DLGAP1: variants seen among roughly 807,000 people sequenced by gnomAD.
DLGAP1 encodes DLG associated protein 1, also known as disks large-associated protein 1.
In DLGAP1, 11 loss-of-function variants were observed where a neutral mutation model predicts 90.8. That is an observed-to-expected ratio of 0.12 (90% CI 0.08 to 0.20). The LOEUF (loss-of-function observed/expected upper bound fraction) is 0.20, where lower values mean the gene tolerates loss of function less well. Ranked by LOEUF, DLGAP1 falls within the 10% of genes least tolerant of loss-of-function variation. DLGAP1 has a pLI of 1.00. For synonymous variants in DLGAP1, 558 were observed against 540.7 expected (o/e 1.03, Z -0.44); for missense variants, 1,050 against 1,333.8 (o/e 0.79, Z 3.31).
intron 4 of DLGAP1, chr18:3,845,220 C>T: frequency 4.3e-6 from 7 of 1,612,076 alleles, no homozygotes; most frequent in Non-Finnish European, 5.9e-6. Context: ...CCCAGAATTG[C>T]TATTAGCTTA....
intron 4 of DLGAP1, among the ~76,000 whole-genome samples, chr18:3,822,326 C>T (rs772342597): frequency 3.3e-5 from 5 of 152,310 alleles, no homozygotes; most frequent in Middle Eastern, 3.4e-3. Flanking sequence ...GTGATACATA[C>T]GGTAATTTGC....
rs370954801 is a variant in DLGAP1 at position 4,044,247 on chromosome 18, C to T, written c.-158-39046G>A. 5.5e-4 allele frequency among the ~76,000 whole-genome samples: 84 copies of T among 152,256 alleles called. No individual in the cohort carries two copies. In the East Asian group the frequency reaches 0.015, roughly 28 times the overall value. ...ATGTCTGGGTTTTGGGATATTTATA[C>T]TCCTGGCCACCTCACACCAAGTCAT... On this transcript the variant is annotated intron_variant, in intron 2 of 12. Coordinates refer to ENST00000315677, the MANE Select transcript of DLGAP1 (RefSeq NM_004746.4).
chr18:3,758,513 T>C (rs2063811893), intron 5 of DLGAP1, among the ~76,000 whole-genome samples: 1 of 152,236 alleles, frequency 6.6e-6, no homozygotes, highest in Non-Finnish European at 1.5e-5. Context: ...AAAGCCACTT[T>C]CTGTCTGAAG....
intron 1 of DLGAP1, among the ~76,000 whole-genome samples, chr18:4,362,645 G>C (rs1598285182): frequency 6.6e-6 from 1 of 152,158 alleles, no homozygotes; most frequent in East Asian, 1.9e-4. Flanking sequence ...AAAAGCCCTG[G>C]AGATGGACGG....
chr18:3,779,779 CTCTT>C (rs1278433682), intron 5 of DLGAP1, among the ~76,000 whole-genome samples: 8 of 130,310 alleles, frequency 6.1e-5, no homozygotes, highest in African/African-American at 2.4e-4. Context: ...TTTTTTTTTA[CTCTT>C]TCTTTCTTTT....
intron 2 of DLGAP1, among the ~76,000 whole-genome samples, chr18:4,011,576 G>GAATTA (rs2074423168): frequency 6.6e-6 from 1 of 152,076 alleles, no homozygotes; most frequent in African/African-American, 2.4e-5. Flanking sequence ...CAGCACTTTG[G>GAATTA]GAGGCTGAGG....
intron 5 of DLGAP1, among the ~76,000 whole-genome samples, chr18:3,785,462 G>A (rs2065403663): frequency 6.6e-6 from 1 of 152,174 alleles, no homozygotes; most frequent in Admixed American, 6.6e-5. Context: ...AGAATTGCAG[G>A]AGAATGAGTA....
intron 1 of DLGAP1, among the ~76,000 whole-genome samples, chr18:4,206,170 GAC>G (rs2077716490): frequency 6.6e-6 from 1 of 152,064 alleles, no homozygotes; most frequent in African/African-American, 2.4e-5. Flanking sequence ...AGGTGCCTGG[GAC>G]TTAGGGACTT....
At chr18:3,980,613 C>A (rs556593661) in intron 3 of DLGAP1, among the ~76,000 whole-genome samples, 1 of 152,098 alleles carries the variant, frequency 6.6e-6, no homozygotes, top group Non-Finnish European at 1.5e-5. Context: ...TACTCCTTTC[C>A]GGAAAGGAAA....
chr18:4,124,340 TG>T (rs895970346), intron 2 of DLGAP1, among the ~76,000 whole-genome samples: 1 of 152,188 alleles, frequency 6.6e-6, no homozygotes, highest in African/African-American at 2.4e-5. Flanking sequence ...TTAATATTAT[TG>T]GGAAAAAATG....
At chr18:3,507,533 A>G (rs148849200) in intron 11 of DLGAP1, among the ~76,000 whole-genome samples, 1,528 of 152,198 alleles carry the variant, frequency 0.01, 27 homozygotes, top group African/African-American at 0.035. Flanking sequence ...AACAAAAACA[A>G]AAACAAAAAC....
intron 5 of DLGAP1, among the ~76,000 whole-genome samples, chr18:3,786,721 A>G (rs2065466294): frequency 6.6e-6 from 1 of 152,200 alleles, no homozygotes; most frequent in South Asian, 2.1e-4. Context: ...TTAATGGAAA[A>G]TAGGAGTGAA....
At chr18:3,941,887 A>G (rs1243950777) in intron 3 of DLGAP1, among the ~76,000 whole-genome samples, 3 of 151,958 alleles carry the variant, frequency 2.0e-5, no homozygotes, top group Non-Finnish European at 4.4e-5. Flanking sequence ...TAATTTTTTA[A>G]ATTTTTTGTA....
intron 1 of DLGAP1, among the ~76,000 whole-genome samples, chr18:4,276,084 G>A (rs1246580411): frequency 1.3e-5 from 2 of 149,362 alleles, no homozygotes; most frequent in African/African-American, 2.5e-5. Flanking sequence ...GACCTTATGG[G>A]CTGAATGATA....
chr18:3,757,342 G>A (rs917317778), intron 5 of DLGAP1, among the ~76,000 whole-genome samples: 1 of 152,206 alleles, frequency 6.6e-6, no homozygotes, highest in Middle Eastern at 3.2e-3. Flanking sequence ...CCGGGAGGCA[G>A]AGGTTGCAGT....
chr18:3,740,409 G>A (rs2147627620), intron 6 of DLGAP1, among the ~76,000 whole-genome samples: 2 of 152,216 alleles, frequency 1.3e-5, no homozygotes, highest in Non-Finnish European at 2.9e-5. Flanking sequence ...CATGTTCTTG[G>A]AGATTTCTGT....
At chr18:3,874,007 T>C in intron 4 of DLGAP1, 1 of 1,422,846 alleles carries the variant, frequency 7.0e-7, no homozygotes, top group Non-Finnish European at 9.3e-7. Flanking sequence ...ACACATTAAT[T>C]TGTCAGCTCT....
intron 1 of DLGAP1, among the ~76,000 whole-genome samples, chr18:4,401,440 A>G (rs1278604859): frequency 6.6e-6 from 1 of 152,234 alleles, no homozygotes; most frequent in Non-Finnish European, 1.5e-5. Context: ...TACACTAGGC[A>G]TGAGAAAGTA....
intron 5 of DLGAP1, among the ~76,000 whole-genome samples, chr18:3,811,731 C>T (rs1414836219): frequency 6.6e-6 from 1 of 152,150 alleles, no homozygotes; most frequent in South Asian, 2.1e-4. Flanking sequence ...CACAAAAATA[C>T]GGTCCAGGAC....
Sources: allele counts gnomAD v4.1 joint callset (sites outside exome capture counted in the v4.1 genomes callset), GRCh38; gene constraint gnomAD v4.1.1; transcripts MANE v1.5; gene names NCBI Gene and HGNC (gene_info 2026-07-23, HGNC 2026-07-21).